Variants in ZBTB17 observed in about 807,000 individuals in gnomAD.
ZBTB17 encodes zinc finger and BTB domain-containing protein 17.
ZBTB17 carries 24 observed loss-of-function variants against 85.1 expected under a neutral mutation model. The ratio of observed to expected loss-of-function variants is 0.28; its 90% CI spans 0.20 to 0.40. ZBTB17 has a LOEUF of 0.40. ZBTB17 is among the 10% of genes least tolerant of loss of function. The pLI, the probability that ZBTB17 is intolerant of heterozygous loss-of-function variation, is 1.00. For missense variants in ZBTB17, 743 were observed against 1,105.1 expected, an observed-to-expected ratio of 0.67 and a Z score of 4.65; for synonymous variants, 464 against 460.2, an observed-to-expected ratio of 1.01 and a Z score of -0.11.
intron 13 of ZBTB17, 122 bp downstream of exon 13, chr1:15,942,942 A>G: frequency 1.4e-6 from 2 of 1,473,562 alleles, no homozygotes; most frequent in Non-Finnish European, 1.8e-6. Context: ...ACTGCCTTCA[A>G]GGCCACCTGC....
intron 2 of ZBTB17, among the ~76,000 whole-genome samples, chr1:15,958,137 G>C (rs183725040): frequency 6.6e-6 from 1 of 152,190 alleles, no homozygotes; most frequent in Non-Finnish European, 1.5e-5. Context: ...CCATAAATAC[G>C]AGTGTGCAAT....
chr1:15,961,080 C>T (rs1011562979), intron 2 of ZBTB17, among the ~76,000 whole-genome samples: 4 of 152,142 alleles, frequency 2.6e-5, no homozygotes, highest in African/African-American at 9.7e-5. Flanking sequence ...CACCACTGCA[C>T]TCCAGCCTGG....
chr1:15,975,940 G>A, intron 1 of ZBTB17, 43 bp downstream of exon 1: 1 of 695,744 alleles, frequency 1.4e-6, no homozygotes. Context: ...CTCCGCCCCG[G>A]CTCCCGGGAC....
chr1:15,959,221 GAAGGTGGGCCATGCC>G (rs1429311013), intron 2 of ZBTB17, among the ~76,000 whole-genome samples: 7 of 152,150 alleles, frequency 4.6e-5, no homozygotes, highest in African/African-American at 1.7e-4. Flanking sequence ...CTTCCCAGTG[GAAGGTGGGCCATGCC>G]ATTTGTCCAA....
At chr1:15,943,763 C>T (rs368667388) in intron 10 of ZBTB17, 45 bp downstream of exon 10, 2 of 1,612,336 alleles carry the variant, frequency 1.2e-6, no homozygotes, top group African/African-American at 1.3e-5. Context: ...CACCGGTGGC[C>T]GAGGAGCAGG....
rs192278765 is a variant in ZBTB17, at chr1:15,965,088, G to A, written c.-3+7951C>T. 6.4e-3 allele frequency among the ~76,000 whole-genome samples: 966 copies of A among 151,090 alleles called. 8 individuals carry two copies. The highest frequency in any genetic ancestry group is 0.021 in the Middle Eastern group (6 of 292). On this transcript the variant is annotated intron_variant, in intron 2 of 15. Transcript: ENST00000375743. ...GAGATCGCGCCACTGCACTCCAGCC[G>A]GGGCAACAGAGTGAGACTCCGTATC...
At position 15,943,538 on chromosome 1, in the gene ZBTB17, G is replaced by A. The variant is rs1005633506; in HGVS notation, c.1577-19C>T. ...TTCTCACCTGGGGACCGGGCAGAAG[G>A]TGTTGGTGCCTGCTCCTCTCCGTGC... On this transcript the variant is annotated intron_variant, in intron 11 of 15. Transcript: ENST00000375743. The A allele has an allele frequency of 2.5e-6, 4 of 1,611,002 alleles. No homozygotes were observed. The African/African-American group carries it at 4.0e-5, about 16-fold the overall frequency.
In ZBTB17 at chr1:15,946,152, A is replaced by T. The variant is rs768482108; in HGVS notation, c.535+2T>A. The T allele has an allele frequency of 1.9e-6, 3 of 1,605,526 alleles. No individual in the cohort carries two copies. In the Admixed American group the frequency reaches 5.0e-5, roughly 27 times the overall value. ...CGGCTGGGTCCTTGGCATCTGACTC[A>T]CCGCTGGCCGCACTCTGGGCCTGAC... is the stretch of plus-strand genomic sequence containing the variant. On this transcript the variant is annotated splice_donor_variant, in intron 5 of 15. Coordinates refer to ENST00000375743, the MANE Select transcript of ZBTB17 (RefSeq NM_003443.3). LOFTEE classifies it high-confidence loss of function.
Position 15,975,988 on chromosome 1 carries a change from A to C in ZBTB17, c.-95T>G, listed in dbSNP as rs1315765638. The C allele has an allele frequency of 1.4e-6, 1 of 699,868 alleles. No individual in the cohort carries two copies. 43.4% of individuals were successfully genotyped at this position (699,868 alleles called of 1,614,324 possible). A position where few individuals can be genotyped will look rare whatever the true frequency, so the allele number is the denominator to read the frequency against. On this transcript the variant is annotated 5_prime_UTR_variant, in exon 1 of 16. An upstream start codon of the reference 5' UTR is lost. Transcript: ENST00000375743. ...GGGCGATTGTTGACACTCACCTGCC[A>C]TGTCCCGGACCCCACCGCAGAGGGA... is the stretch of plus-strand genomic sequence containing the variant.
At position 15,946,940 on chromosome 1, in the gene ZBTB17, G is replaced by T; in HGVS notation, c.389C>A (p.Thr130Lys). The change falls in exon 4 of 16, where the codon ACA (threonine) becomes AAA (lysine). Residue 130 changes from threonine (T) to lysine (K), a missense_variant. Thr to Lys is a moderately conservative substitution (Grantham distance 78, BLOSUM62 -1). Around this residue, in one of 4 missense-constraint regions of ZBTB17, gnomAD observed 279 missense variants for 269.9 expected, o/e 1.03. Coordinates refer to ENST00000375743, the MANE Select transcript of ZBTB17 (RefSeq NM_003443.3). ...AGCAGCTGCCAATAACCTACCTTCT[G>T]TGGCCAAGGCCTCCGCATTTCCCCC... The part of the protein sequence containing the change: ...SPGGNAEALA[T>K]EGGDKRAKEE... 1 of 1,607,872 alleles carries T rather than the reference G, an allele frequency of 6.2e-7. No individual in the cohort carries two copies. Among genetic ancestry groups the T allele is most frequent in the Admixed American group, 1.7e-5 (1 of 59,910 alleles).
At position 15,947,036 on chromosome 1, in the gene ZBTB17, A is replaced by C. The variant is rs2071638694; in HGVS notation, c.293T>G (p.Phe98Cys). The change falls in exon 4 of 16, where the codon TTC (phenylalanine) becomes TGC (cysteine). Residue 98 changes from phenylalanine to cysteine, a missense_variant. Around this residue, in one of 4 missense-constraint regions of ZBTB17, gnomAD observed 74 missense variants for 142.6 expected, o/e 0.52. Coordinates refer to ENST00000375743, the MANE Select transcript of ZBTB17 (RefSeq NM_003443.3). ...CGTGATGATGTCCTGCATTTGGAGG[A>C]AAGTGGCCACGGCCAGCACATCATC... ...NVDDVLAVAT[F>C]LQMQDIITAC... 6.2e-7 allele frequency: 1 copy of C among 1,614,000 alleles called. No individual in the cohort carries two copies. Among genetic ancestry groups the C allele is most frequent in the Admixed American group, 1.7e-5 (1 of 60,004 alleles).
intron 2 of ZBTB17, among the ~76,000 whole-genome samples, chr1:15,960,685 GGAA>G (rs1211374460): frequency 5.9e-5 from 9 of 152,200 alleles, no homozygotes; most frequent in African/African-American, 1.9e-4. Context: ...CTCTCACTGA[GGAA>G]GAAGAACAAT....
At chr1:15,974,190 C>CA (rs35124967) in intron 1 of ZBTB17, among the ~76,000 whole-genome samples, 47,684 of 112,488 alleles carry the variant, frequency 0.42, 9,925 homozygotes, top group East Asian at 0.71. Flanking sequence ...GACGTAGTCT[C>CA]AAAAAAAAAA....
rs1014137172 is a variant in ZBTB17, at chr1:15,951,871, G to A, written c.-2-3374C>T. Among the ~76,000 whole-genome samples, 8 of 152,054 alleles carry A rather than the reference G, an allele frequency of 5.3e-5. No individual in the cohort carries two copies. The highest frequency in any genetic ancestry group is 2.1e-4 in the South Asian group (1 of 4,820). ...GCTAGGAGGTGCTGTCTGGGGAGAC[G>A]TTAACCACAGTAATCAGATCAACAG... On this transcript the variant is annotated intron_variant, in intron 2 of 15. Coordinates refer to ENST00000375743, the MANE Select transcript of ZBTB17 (RefSeq NM_003443.3). The surrounding 1 kb of genome is among the most constrained non-coding windows in gnomAD (Gnocchi z 4.1).
chr1:15,948,531 G>A (rs369449936), intron 2 of ZBTB17, 34 bp from the exon 3 acceptor site: 36 of 1,598,768 alleles, frequency 2.3e-5, no homozygotes, highest in Admixed American at 6.7e-5. Flanking sequence ...GGGTTAGCAC[G>A]GAGAAAGGAC....
At chr1:15,944,186 T>C in intron 9 of ZBTB17, 114 bp downstream of exon 9, 1 of 1,401,300 alleles carries the variant, frequency 7.1e-7, no homozygotes, top group South Asian at 1.2e-5. Context: ...GTGAACAAGC[T>C]GATGAGCTCC....
intron 2 of ZBTB17, among the ~76,000 whole-genome samples, chr1:15,965,483 G>A (rs1008606190): frequency 6.6e-6 from 1 of 152,180 alleles, no homozygotes; most frequent in African/African-American, 2.4e-5. Flanking sequence ...TGAGGCAAAC[G>A]GAATTGTTGA....
In ZBTB17 at chr1:15,946,945, C is replaced by T; in HGVS notation, c.384G>A (p.Leu128=). 1 of 1,610,166 alleles carries T rather than the reference C, an allele frequency of 6.2e-7. No individual in the cohort carries two copies. The highest frequency in any genetic ancestry group is 8.5e-7 in the Non-Finnish European group (1 of 1,176,774). Residue 128 remains leucine (L), a synonymous_variant, in exon 4 of 16, where the codon TTG becomes TTA. Transcript: ENST00000375743. ...ATSPGGNAEA[L]ATEGGDKRAK... is the part of the protein sequence containing the mutation. ...CTGCCAATAACCTACCTTCTGTGGC[C>T]AAGGCCTCCGCATTTCCCCCAGGGC...
In ZBTB17 at chr1:15,943,905, G is replaced by C. The variant is rs757785586; in HGVS notation, c.1372-10C>G. 3 of 1,586,966 alleles carry C rather than the reference G, an allele frequency of 1.9e-6. No homozygotes were observed. Among genetic ancestry groups the C allele is most frequent in the Non-Finnish European group, 2.6e-6 (3 of 1,166,988 alleles). On this transcript the variant is annotated splice_polypyrimidine_tract_variant and intron_variant, in intron 9 of 15. Transcript: ENST00000375743. The stretch of plus-strand genomic sequence containing the variant: ...CCTTCAGGTTCCCTACCTGTGCCCA[G>C]GGAGGGGTCAGGGGGGCCACCCCAC...
Sources: allele counts gnomAD v4.1 joint callset (sites outside exome capture counted in the v4.1 genomes callset), GRCh38; gene constraint gnomAD v4.1.1; regional missense constraint gnomAD v4.1.1; non-coding constraint Gnocchi (gnomAD v3.1); transcripts MANE v1.5; gene names NCBI Gene and HGNC (gene_info 2026-07-23, HGNC 2026-07-21).